The following C2CD3 variants were observed in gnomAD, a reference collection of about 807,000 sequenced individuals.
C2CD3 encodes the protein C2 domain-containing protein 3.
In C2CD3, 148 loss-of-function variants were observed where a neutral mutation model predicts 234.0. The observed-to-expected ratio is 0.63, with a 90% CI of 0.55 to 0.72. The LOEUF is 0.72. Among genes scored for constraint, C2CD3 ranks in the 30% least tolerant of loss-of-function variants. The probability of loss-of-function intolerance (pLI) is 0.00; values close to 1 mark genes in which losing one functional copy is unlikely to be tolerated. For synonymous variants in C2CD3, 1,000 were observed against 1,035.4 expected (o/e 0.97, Z 0.66); for missense variants, 2,577 against 2,811.5 (o/e 0.92, Z 1.89).
intron 16 of C2CD3, 121 bp downstream of exon 16, chr11:74,097,888 G>A (rs771243469): frequency 3.1e-5 from 29 of 921,736 alleles, no homozygotes; most frequent in Non-Finnish European, 4.7e-5. Context: ...GCACTGGAGT[G>A]CACATTATGT....
chr11:74,035,345 G>T (rs1952687932), intron 30 of C2CD3, among the ~76,000 whole-genome samples: 1 of 152,204 alleles, frequency 6.6e-6, no homozygotes, highest in South Asian at 2.1e-4. Flanking sequence ...CAGTCTTCTT[G>T]CTTTTTATAA....
intron 26 of C2CD3, among the ~76,000 whole-genome samples, chr11:74,053,971 T>C (rs780091050): frequency 4.0e-5 from 6 of 151,512 alleles, no homozygotes; most frequent in Non-Finnish European, 8.8e-5. Context: ...AGACCTTGTC[T>C]GTACAAAAAA....
At chr11:74,111,841 G>C (rs1956757523) in intron 11 of C2CD3, among the ~76,000 whole-genome samples, 1 of 150,254 alleles carries the variant, frequency 6.7e-6, no homozygotes, top group African/African-American at 2.5e-5. Context: ...TTTATGTGTG[G>C]CCCAAGACAA....
intron 32 of C2CD3, among the ~76,000 whole-genome samples, chr11:74,014,228 C>T (rs1951799913): frequency 6.6e-6 from 1 of 152,180 alleles, no homozygotes; most frequent in Non-Finnish European, 1.5e-5. Context: ...TACAGGAAAG[C>T]CATCCCAGAC....
At chr11:74,077,809 A>AGTCTCT (rs1955123641) in intron 23 of C2CD3, among the ~76,000 whole-genome samples, 1 of 27,228 alleles carries the variant, frequency 3.7e-5, no homozygotes, top group African/African-American at 1.6e-4. Flanking sequence ...ATATATATAT[A>AGTCTCT]TATATATATA....
chr11:74,034,552 T>G, intron 30 of C2CD3: 1 of 1,613,734 alleles, frequency 6.2e-7, no homozygotes, highest in Non-Finnish European at 8.5e-7. Context: ...TCAGGAATCG[T>G]TGGGAGCTGG....
chr11:74,155,737 G>C (rs1855969585), intron 3 of C2CD3, among the ~76,000 whole-genome samples: 2 of 152,214 alleles, frequency 1.3e-5, no homozygotes, highest in African/African-American at 4.8e-5. Context: ...GGCGGGGGCA[G>C]AGAGAAACAA....
chr11:74,156,965 T>C (rs1039301421), intron 3 of C2CD3, among the ~76,000 whole-genome samples: 1 of 152,212 alleles, frequency 6.6e-6, no homozygotes, highest in African/African-American at 2.4e-5. Context: ...GGCAAGACTC[T>C]GTCTCAAAAA....
chr11:74,089,349 AAAAC>A (rs1240994250), intron 20 of C2CD3, among the ~76,000 whole-genome samples: 1 of 152,216 alleles, frequency 6.6e-6, no homozygotes, highest in African/African-American at 2.4e-5. Context: ...ACCAAAAACC[AAAAC>A]AAACATAAAA....
intron 19 of C2CD3, among the ~76,000 whole-genome samples, chr11:74,092,032 ATG>A (rs1272596588): frequency 7.6e-4 from 114 of 150,876 alleles, no homozygotes; most frequent in African/African-American, 1.5e-3. Context: ...ATATATATAT[ATG>A]TGTGTGTGTG....
In C2CD3 at chr11:74,013,157, C is replaced by T; in HGVS notation, c.*228G>A. The T allele has an allele frequency of 3.1e-6, 1 of 322,880 alleles. No individual in the cohort carries two copies. Among genetic ancestry groups the T allele is most frequent in the Middle Eastern group, 8.2e-4 (1 of 1,222 alleles). 20.0% of individuals were successfully genotyped at this position (322,880 alleles called of 1,614,324 possible). ...TCCATTTTATTTCTAGCCTTTGCCT[C>T]ACCACAGAAAAAAGGAGCTGAAATT... On this transcript the variant is annotated 3_prime_UTR_variant, in exon 33 of 33. Coordinates refer to ENST00000334126, the MANE Select transcript of C2CD3 (RefSeq NM_001286577.2).
intron 12 of C2CD3, among the ~76,000 whole-genome samples, chr11:74,107,293 C>A (rs1259459399): frequency 2.0e-5 from 3 of 150,322 alleles, no homozygotes; most frequent in Non-Finnish European, 2.9e-5. Flanking sequence ...CCATTGCACT[C>A]CAGCCTGGGC....
chr11:74,097,802 A>G (rs1015806778), intron 16 of C2CD3, among the ~76,000 whole-genome samples: 8 of 152,254 alleles, frequency 5.3e-5, no homozygotes, highest in African/African-American at 1.9e-4. Context: ...TTATAAATTC[A>G]GGGAGCTAAG....
Position 74,106,507 on chromosome 11 carries a change from A to G in C2CD3, c.1963-14T>C. 6.2e-7 allele frequency: 1 copy of G among 1,612,180 alleles called. No homozygotes were observed. Among genetic ancestry groups the G allele is most frequent in the Non-Finnish European group, 8.5e-7 (1 of 1,179,034 alleles). ...AATGACTTCTGGCTGAGAAAGAAGG[A>G]AAGAGAACATTTAGATTAATTAAAG... On this transcript the variant is annotated splice_polypyrimidine_tract_variant and intron_variant, in intron 12 of 32. Transcript: ENST00000334126.
chr11:74,085,574 C>T (rs1480860233), intron 21 of C2CD3, 44 bp downstream of exon 21: 7 of 1,600,928 alleles, frequency 4.4e-6, no homozygotes, highest in East Asian at 2.2e-5. Flanking sequence ...ATTCACAATG[C>T]AGCCTCTTTT....
rs557805202 is a variant in C2CD3 at position 74,140,387 on chromosome 11, T to G, written c.484-559A>C. Among the ~76,000 whole-genome samples, 13 of 152,360 alleles carry G rather than the reference T, an allele frequency of 8.5e-5. 1 individual carries two copies. The East Asian group carries it at 2.5e-3, about 29-fold the overall frequency. Reference sequence around the variant, plus strand: ...GTCTAAGTAGAGATGCCATGTCCACTGCCTTCTTCATGTTTCTACTTAATC... The same window carrying G: ...GTCTAAGTAGAGATGCCATGTCCACGGCCTTCTTCATGTTTCTACTTAATC... On this transcript the variant is annotated intron_variant, in intron 3 of 32. Transcript: ENST00000334126.
chr11:74,072,716 C>CGT (rs537129252), intron 24 of C2CD3, among the ~76,000 whole-genome samples: 31 of 151,062 alleles, frequency 2.1e-4, no homozygotes, highest in Non-Finnish European at 4.4e-4. Context: ...TTTGTCTGTC[C>CGT]TTTTTTTTTA....
At chr11:74,021,246 AAAAC>A (rs530716721) in intron 32 of C2CD3, among the ~76,000 whole-genome samples, 49 of 152,086 alleles carry the variant, frequency 3.2e-4, no homozygotes, top group African/African-American at 8.5e-4. Context: ...CCTGTCTCAA[AAAAC>A]AAACAAACAA....
intron 7 of C2CD3, among the ~76,000 whole-genome samples, chr11:74,123,542 A>G (rs1418895322): frequency 3.3e-5 from 5 of 152,214 alleles, no homozygotes; most frequent in Admixed American, 3.3e-4. Flanking sequence ...AAAAATTCAC[A>G]GATACACCCA....
Sources: gnomAD v4.1 joint callset for allele counts (sites outside exome capture counted in the v4.1 genomes callset) on GRCh38, gnomAD v4.1.1 for gene constraint, MANE v1.5 for transcripts, NCBI Gene and HGNC (gene_info 2026-07-23, HGNC 2026-07-21) for gene names.